SMIM23: variants seen among roughly 807,000 people sequenced by gnomAD.
The protein encoded by SMIM23 is CTB-78H18.1.
In SMIM23, 10 loss-of-function variants were observed where a neutral mutation model predicts 12.8. That is an observed-to-expected ratio of 0.78 (90% confidence interval 0.48 to 1.32). The LOEUF (loss-of-function observed/expected upper bound fraction) is 1.32. Among genes scored for constraint, SMIM23 ranks in the 40% most tolerant of loss-of-function variants. The pLI is 0.00. For missense variants in SMIM23, 184 were observed against 198.2 expected (o/e 0.93, Z 0.43); for synonymous variants, 78 against 80.1 (o/e 0.97, Z 0.14).
chr5:171,790,171 G>A, intron 1 of SMIM23, 59 bp from the exon 2 acceptor site: 2 of 1,493,234 alleles, frequency 1.3e-6, no homozygotes. Context: ...TGGAAGCAGG[G>A]GGACCTGGAG....
chr5:171,790,108 AG>A, intron 1 of SMIM23, 121 bp from the exon 2 acceptor site: 4 of 951,954 alleles, frequency 4.2e-6, no homozygotes, highest in Non-Finnish European at 6.3e-6. Flanking sequence ...CTAGAACAAA[AG>A]TTAAACTCAA....
upstream of SMIM23, among the ~76,000 whole-genome samples, chr5:171,785,699 GAGGGAAGGGACTAAAAATC>G (rs1755801572): frequency 6.6e-6 from 1 of 152,198 alleles, no homozygotes; most frequent in Admixed American, 6.5e-5. Flanking sequence ...AAATAAAAAT[GAGGGAAGGGACTAAAAATC>G]AGGGTGGTGG....
At chr5:171,786,487 C>A (rs1005357664) in intron 1 of SMIM23, among the ~76,000 whole-genome samples, 3 of 152,084 alleles carry the variant, frequency 2.0e-5, no homozygotes, top group Admixed American at 2.0e-4. Flanking sequence ...GCAAAAGGGC[C>A]GTACAACTGG....
intron 1 of SMIM23, among the ~76,000 whole-genome samples, chr5:171,786,918 C>CT (rs1413312989): frequency 6.6e-6 from 1 of 150,876 alleles, no homozygotes; most frequent in African/African-American, 2.4e-5. Flanking sequence ...AAGGAAGGCT[C>CT]TGAGAAGTCC....
At chr5:171,775,823 A>G in the SMIM23 span, among the ~76,000 whole-genome samples, 1 of 152,164 alleles carries the variant, frequency 6.6e-6, no homozygotes, top group South Asian at 2.1e-4. Flanking sequence ...AATTTTACAC[A>G]GTATCTTTTT....
intron 1 of SMIM23, 132 bp from the exon 2 acceptor site, chr5:171,790,098 C>A: frequency 1.2e-6 from 1 of 837,678 alleles, no homozygotes; most frequent in Non-Finnish European, 1.9e-6. Flanking sequence ...ACTTAGATAA[C>A]TAGAACAAAA....
the SMIM23 span, among the ~76,000 whole-genome samples, chr5:171,775,408 ACT>A: frequency 2.6e-5 from 4 of 152,000 alleles, no homozygotes; most frequent in Admixed American, 2.6e-4. Context: ...TCTGAGGGTA[ACT>A]CTACCGTGTG....
intron 1 of SMIM23, among the ~76,000 whole-genome samples, chr5:171,786,348 C>G (rs1422185453): frequency 6.6e-6 from 1 of 152,162 alleles, no homozygotes; most frequent in East Asian, 1.9e-4. Context: ...GGCTGAAATT[C>G]AAAACTCATG....
intron 1 of SMIM23, 57 bp from the exon 2 acceptor site, chr5:171,790,173 G>A (rs2113654150): frequency 6.7e-7 from 1 of 1,495,468 alleles, no homozygotes; most frequent in Non-Finnish European, 9.0e-7. Context: ...GAAGCAGGGG[G>A]ACCTGGAGAG....
At chr5:171,773,817 G>C in the SMIM23 span, 1 of 456,218 alleles carries the variant, frequency 2.2e-6, no homozygotes, top group Non-Finnish European at 4.4e-6. Context: ...GTGAAATCTA[G>C]ATTGTATGAG....
chr5:171,775,416 G>A, the SMIM23 span, among the ~76,000 whole-genome samples: 2 of 151,716 alleles, frequency 1.3e-5, no homozygotes, highest in African/African-American at 4.8e-5. Flanking sequence ...TAACTCTACC[G>A]TGTGAAAGGA....
chr5:171,785,257 C>G (rs1020920019), upstream of SMIM23, among the ~76,000 whole-genome samples: 2 of 152,052 alleles, frequency 1.3e-5, no homozygotes, highest in African/African-American at 4.8e-5. Flanking sequence ...CTGTGATCTC[C>G]TACTGCAGTG....
chr5:171,785,268 A>G (rs1755792982), upstream of SMIM23, among the ~76,000 whole-genome samples: 1 of 152,048 alleles, frequency 6.6e-6, no homozygotes, highest in African/African-American at 2.4e-5. Context: ...TACTGCAGTG[A>G]GGCAGGATAT....
the SMIM23 span, among the ~76,000 whole-genome samples, chr5:171,776,233 G>A: frequency 1.1e-4 from 16 of 149,430 alleles, no homozygotes; most frequent in Admixed American, 6.0e-4. Context: ...AAGGTACAGC[G>A]TGCAGCCCAC....
At chr5:171,789,927 C>T (rs1218668269) in intron 1 of SMIM23, among the ~76,000 whole-genome samples, 4 of 152,032 alleles carry the variant, frequency 2.6e-5, no homozygotes, top group South Asian at 2.1e-4. Flanking sequence ...TAAATGTGTG[C>T]GTTTTATTAT....
chr5:171,788,837 G>A (rs1335325809), intron 1 of SMIM23, among the ~76,000 whole-genome samples: 1 of 151,958 alleles, frequency 6.6e-6, no homozygotes, highest in Non-Finnish European at 1.5e-5. Context: ...TGACAAACGT[G>A]TAGAAAAAAA....
At chr5:171,789,119 G>A (rs773874438) in intron 1 of SMIM23, among the ~76,000 whole-genome samples, 21 of 152,342 alleles carry the variant, frequency 1.4e-4, no homozygotes, top group African/African-American at 3.1e-4. Flanking sequence ...ACAGGCGTGC[G>A]CCACCGCGCC....
chr5:171,790,466 T>A lies in SMIM23; in HGVS notation c.158-16T>A. On this transcript the variant is annotated splice_polypyrimidine_tract_variant and intron_variant, in intron 2 of 3. Coordinates refer to ENST00000523047, the MANE Select transcript of SMIM23 (RefSeq NM_001289970.2). Reference sequence around the variant, plus strand: ...GCTCATTTGCTCTTCAGAGGTGATGTTTGTGCCTGTTTCAGGAAGCAGTTG... The same window carrying A: ...GCTCATTTGCTCTTCAGAGGTGATGATTGTGCCTGTTTCAGGAAGCAGTTG... The A allele has an allele frequency of 6.5e-7, 1 of 1,536,568 alleles. No homozygotes were observed. The highest frequency in any genetic ancestry group is 8.7e-7 in the Non-Finnish European group (1 of 1,146,942).
upstream of SMIM23, among the ~76,000 whole-genome samples, chr5:171,777,465 C>A (rs866461180): frequency 2.4e-4 from 37 of 152,166 alleles, no homozygotes; most frequent in African/African-American, 8.9e-4. Flanking sequence ...TTTGGTGTGG[C>A]CTGTGGCCCT....
Sources: allele counts gnomAD v4.1 joint callset (sites outside exome capture counted in the v4.1 genomes callset), GRCh38; gene constraint gnomAD v4.1.1; transcripts MANE v1.5; gene names NCBI Gene and HGNC (gene_info 2026-07-23, HGNC 2026-07-21).